Variants in PLEKHG5 observed in about 807,000 individuals in gnomAD.
PLEKHG5 encodes pleckstrin homology and RhoGEF domain containing G5.
In PLEKHG5, 52 loss-of-function variants were observed where a neutral mutation model predicts 103.8. The observed-to-expected ratio is 0.50, with a 90% confidence interval of 0.40 to 0.63. The LOEUF (loss-of-function observed/expected upper bound fraction) is 0.63. Among genes scored for constraint, PLEKHG5 ranks in the 30% least tolerant of loss-of-function variants. PLEKHG5 has a pLI of 0.00. For synonymous variants in PLEKHG5, 592 were observed against 575.5 expected, an observed-to-expected ratio of 1.03 and a Z score of -0.41; for missense variants, 1,205 against 1,347.6, an observed-to-expected ratio of 0.89 and a Z score of 1.66.
rs1278741887 is a variant in PLEKHG5 at position 6,476,125 on chromosome 1, C to T, written c.44-89G>A. The T allele has an allele frequency of 5.6e-6, 6 of 1,062,182 alleles. No individual in the cohort carries two copies. The African/African-American group carries it at 9.3e-5, about 17-fold the overall frequency. 65.8% of individuals were successfully genotyped at this position (1,062,182 alleles called of 1,614,324 possible). ...CTCCAGAGGGACCACAGCCTGTTAC[C>T]CTGGAACCCCCAGATTAAAGGTAGC... On this transcript the variant is annotated intron_variant, in intron 2 of 20. Coordinates refer to ENST00000377728, the MANE Select transcript of PLEKHG5 (RefSeq NM_020631.6).
In PLEKHG5 at chr1:6,470,357, T is replaced by TGGGGACGGATGGCGTGAACGTAGGG. The variant is rs748372368; in HGVS notation, c.1681-27_1681-3dup. ...CAGGTGCAGAAATTCCTTCAGGAGCTGGGGACGGATGGCGTGAACGTAGGG... is the reference window on the plus strand; with the variant it reads ...CAGGTGCAGAAATTCCTTCAGGAGCTGGGGACGGATGGCGTGAACGTAGGGGGGGACGGATGGCGTGAACGTAGGG... On this transcript the variant is annotated splice_polypyrimidine_tract_variant and splice_region_variant and intron_variant, in intron 15 of 20. Transcript: ENST00000377728. The TGGGGACGGATGGCGTGAACGTAGGG allele has an allele frequency of 2.3e-5, 37 of 1,613,858 alleles. No individual in the cohort carries two copies. Among genetic ancestry groups the TGGGGACGGATGGCGTGAACGTAGGG allele is most frequent in the Middle Eastern group, 1.6e-4 (1 of 6,084 alleles).
chr1:6,469,789 T>C (rs138957573), intron 16 of PLEKHG5, 113 bp from the exon 17 acceptor site: 1 of 917,428 alleles, frequency 1.1e-6, no homozygotes, highest in African/African-American at 1.7e-5. Context: ...CCTCCCACCA[T>C]GAACCTTCAA....
At chr1:6,468,905 G>A in intron 19 of PLEKHG5, 137 bp downstream of exon 19, 1 of 798,824 alleles carries the variant, frequency 1.3e-6, no homozygotes, top group East Asian at 2.6e-5. Context: ...CGGACTCTGG[G>A]GGAGACAGAG....
At position 6,471,515 on chromosome 1, in the gene PLEKHG5, G is replaced by A. The variant is rs139904931; in HGVS notation, c.1254C>T (p.Pro418=). ...TCTTGAAGCCTTTGAGGAAGTCCCC[G>A]GGCTGTAGCAGCGCTCGCGTGCGCC... ...KARRTRALLQ[P]GDFLKGFKMF... The change falls in exon 12 of 21, where the codon CCC becomes CCT. Residue 418 remains proline, a synonymous_variant. Transcript: ENST00000377728. 1 of 1,610,560 alleles carries A rather than the reference G, an allele frequency of 6.2e-7. No individual in the cohort carries two copies. Among genetic ancestry groups the A allele is most frequent in the South Asian group, 1.1e-5 (1 of 90,836 alleles).
Position 6,470,877 on chromosome 1 carries a change from T to C in PLEKHG5, c.1400A>G (p.Glu467Gly). 1.9e-6 allele frequency: 3 copies of C among 1,560,256 alleles called. No homozygotes were observed. Among genetic ancestry groups the C allele is most frequent in the Non-Finnish European group, 2.6e-6 (3 of 1,154,098 alleles). ...DLFRAYITWA[E>G]KHPQCQRLKL... ...CAGCCTCTGGCACTGTGGGTGCTTC[T>C]CCGCCCACTGCGGTGGGGGAGTGGG... The change falls in exon 14 of 21, where the codon GAG (glutamate) becomes GGG (glycine). Residue 467 changes from glutamate (E) to glycine (G), a missense_variant. By Grantham distance (98) the Glu-to-Gly change is moderately conservative (BLOSUM62 -2). Coordinates refer to ENST00000377728, the MANE Select transcript of PLEKHG5 (RefSeq NM_020631.6).
At position 6,471,774 on chromosome 1, in the gene PLEKHG5, G is replaced by C; in HGVS notation, c.1115C>G (p.Ser372Ter). 6.2e-7 allele frequency: 1 copy of C among 1,610,538 alleles called. No homozygotes were observed. Among genetic ancestry groups the C allele is most frequent in the Non-Finnish European group, 8.5e-7 (1 of 1,178,680 alleles). The change falls in exon 11 of 21, where the codon TCA (serine) becomes TGA (stop). Residue 372 changes from serine to a stop codon, truncating the protein, a stop_gained. Coordinates refer to ENST00000377728, the MANE Select transcript of PLEKHG5 (RefSeq NM_020631.6). LOFTEE classifies it high-confidence loss of function. ...FLCCLLNLQESGLLCEVEAER... is the reference protein window; with the variant it reads ...FLCCLLNLQE ...CCAGCGCACCTCACACAGCAGCCCTGACTCTTGCAGGTTCAGGAGGCAGCA... is the reference window on the plus strand; with the variant it reads ...CCAGCGCACCTCACACAGCAGCCCTCACTCTTGCAGGTTCAGGAGGCAGCA...
chr1:6,514,001 C>T (rs1638547162), intron 1 of PLEKHG5, among the ~76,000 whole-genome samples: 1 of 152,194 alleles, frequency 6.6e-6, no homozygotes, highest in South Asian at 2.1e-4. Flanking sequence ...GGGGTTCTGC[C>T]TGGATCCTGT....
rs1638522047 is a variant in PLEKHG5, at chr1:6,513,064, C to A, written c.-165+6381G>T. Reference sequence around the variant, plus strand: ...CCTGGGGCCCCGCCCACCCACTGTTCCTGGTGGAATCGGTAGCTCCTCTCA... The same window carrying A: ...CCTGGGGCCCCGCCCACCCACTGTTACTGGTGGAATCGGTAGCTCCTCTCA... On this transcript the variant is annotated intron_variant, in intron 1 of 21. Transcript: ENST00000377740. Among the ~76,000 whole-genome samples the A allele has an allele frequency of 2.6e-5, 4 of 152,374 alleles. 1 individual carries two copies. The Middle Eastern group carries it at 0.01, about 389-fold the overall frequency.
In PLEKHG5 at chr1:6,490,535, G is replaced by C. The variant is rs1004456719; in HGVS notation, c.-88+1102C>G. The C allele has an allele frequency of 4.6e-5, 45 of 985,358 alleles. 1 individual carries two copies. The highest frequency in any genetic ancestry group is 2.3e-4 in the South Asian group (5 of 21,296). 61.0% of individuals were successfully genotyped at this position (985,358 alleles called of 1,614,324 possible). ...AAGCCTCATGGGGCGCGCGGGGAGA[G>C]GGGGACGGGAGCCGCGGGACGGGCT... On this transcript the variant is annotated intron_variant, in intron 1 of 20. Transcript: ENST00000377728. This position sits in a 1 kb window ranked among gnomAD's most constrained non-coding sequence, Gnocchi z 8.0.
At position 6,473,468 on chromosome 1, in the gene PLEKHG5, G is replaced by A. The variant is rs554879611; in HGVS notation, c.592-14C>T. On this transcript the variant is annotated splice_polypyrimidine_tract_variant and intron_variant, in intron 7 of 20. Transcript: ENST00000377728. ...GCGGCCAGGGGCCTGGTCAGGGAAG[G>A]GTGGTCAGGGCCGGGACCCCCTGCC... 1,782 of 1,513,772 alleles carry A rather than the reference G, an allele frequency of 1.2e-3. 6 individuals carry two copies. The highest frequency in any genetic ancestry group is 1.3e-3 in the Non-Finnish European group (1,465 of 1,131,944). 93.8% of individuals were successfully genotyped at this position (1,513,772 alleles called of 1,614,324 possible).
In PLEKHG5 at chr1:6,505,689, T is replaced by C. The variant is rs2148633463; in HGVS notation, c.-164-9120A>G. 6.6e-6 allele frequency among the ~76,000 whole-genome samples: 1 copy of C among 152,316 alleles called. No homozygotes were observed. The highest frequency in any genetic ancestry group is 2.4e-5 in the African/African-American group (1 of 41,574). On this transcript the variant is annotated intron_variant, in intron 1 of 21. Coordinates refer to the PLEKHG5 transcript ENST00000377740. This position sits in a 1 kb window ranked among gnomAD's most constrained non-coding sequence, Gnocchi z 4.2. ...AACATCTCATTACACCACCCAGCCC[T>C]GAGAAAACACCATGGCCTGATCTTG...
At chr1:6,479,139 T>C (rs1644836804) in intron 1 of PLEKHG5, among the ~76,000 whole-genome samples, 1 of 152,164 alleles carries the variant, frequency 6.6e-6, no homozygotes. Flanking sequence ...CCCCATAGAA[T>C]TGTCGCACTT....
At chr1:6,472,901 C>T in intron 9 of PLEKHG5, 85 bp downstream of exon 9, 1 of 1,325,740 alleles carries the variant, frequency 7.5e-7, no homozygotes, top group Non-Finnish European at 1.1e-6. Flanking sequence ...TTGGGGCGTC[C>T]CATGGAACAT....
Position 6,474,077 on chromosome 1 carries a change from C to G in PLEKHG5, c.527G>C (p.Gly176Ala), listed in dbSNP as rs531190324. ...SLSLPILRPA[G>A]TGPPALERVD... is the part of the protein sequence containing the mutation. ...ACGCTCCAGGGCGGGGGGCCCGGTC[C>G]CAGCTGGCCGCAGAATCGGCAAACT... Residue 176 changes from glycine (G) to alanine (A), a missense_variant, in exon 7 of 21, where the codon GGG becomes GCG. Transcript: ENST00000377728. The G allele has an allele frequency of 6.0e-5, 97 of 1,612,804 alleles. 1 individual carries two copies. The Middle Eastern group carries it at 8.3e-4, about 14-fold the overall frequency.
At position 6,490,258 on chromosome 1, in the gene PLEKHG5, G is replaced by A. The variant is rs1173173353; in HGVS notation, c.-88+1379C>T. ...CCACCCTAGAGACACTGTGATGGGGGCGGGAGCTTGAACCCATTCCACCCT... is the reference window on the plus strand; with the variant it reads ...CCACCCTAGAGACACTGTGATGGGGACGGGAGCTTGAACCCATTCCACCCT... On this transcript the variant is annotated intron_variant, in intron 1 of 20. Coordinates refer to ENST00000377728, the MANE Select transcript of PLEKHG5 (RefSeq NM_020631.6). This position sits in a 1 kb window ranked among gnomAD's most constrained non-coding sequence, Gnocchi z 8.0. Among the ~76,000 whole-genome samples, 1 of 152,162 alleles carries A rather than the reference G, an allele frequency of 6.6e-6. No homozygotes were observed. Among genetic ancestry groups the A allele is most frequent in the East Asian group, 1.9e-4 (1 of 5,190 alleles).
Position 6,474,520 on chromosome 1 carries a change from G to C in PLEKHG5, c.370C>G (p.Gln124Glu). Residue 124 changes from glutamine to glutamate, a missense_variant, in exon 6 of 21, where the codon CAG (glutamine) becomes GAG (glutamate). Physicochemically the swap from Gln to Glu is conservative, Grantham distance 29. Transcript: ENST00000377728. ...GTGAGGGACAGGGGTGTGTTGGACT[G>C]GTCCAGGTAGATGTCCACTTTGCCC... ...ALGKVDIYLDQSNTPLSLTFE... is the reference protein window; with the variant it reads ...ALGKVDIYLDESNTPLSLTFE... The C allele has an allele frequency of 6.2e-7, 1 of 1,613,800 alleles. No homozygotes were observed. Among genetic ancestry groups the C allele is most frequent in the Non-Finnish European group, 8.5e-7 (1 of 1,179,824 alleles).
chr1:6,495,151 CAGGATGTATATTGGG>C (rs988294702), upstream of PLEKHG5, among the ~76,000 whole-genome samples: 3 of 152,258 alleles, frequency 2.0e-5, no homozygotes, highest in Admixed American at 6.5e-5. Flanking sequence ...AGGCCTCTGG[CAGGATGTATATTGGG>C]GGGAGCTGAG....
chr1:6,481,171 C>T (rs954374505), intron 1 of PLEKHG5, among the ~76,000 whole-genome samples: 2 of 152,160 alleles, frequency 1.3e-5, no homozygotes, highest in African/African-American at 4.8e-5. Context: ...AGAGTGGGCC[C>T]TGTTCAAAGA....
chr1:6,480,955 G>T (rs912257954), intron 1 of PLEKHG5, among the ~76,000 whole-genome samples: 7 of 151,954 alleles, frequency 4.6e-5, no homozygotes, highest in Non-Finnish European at 1.0e-4. Flanking sequence ...ATCAGCTTGG[G>T]GTCACTCTTG....
Sources: gnomAD v4.1 joint callset for allele counts (sites outside exome capture counted in the v4.1 genomes callset) on GRCh38, gnomAD v4.1.1 for gene constraint, Gnocchi (gnomAD v3.1) non-coding constraint, MANE v1.5 for transcripts, NCBI Gene and HGNC (gene_info 2026-07-23, HGNC 2026-07-21) for gene names.